PHKB: variants seen among roughly 807,000 people sequenced by gnomAD.
PHKB encodes the protein phosphorylase b kinase regulatory subunit beta.
PHKB carries 122 observed loss-of-function variants against 152.1 expected under a neutral mutation model. The ratio of observed to expected loss-of-function variants is 0.80; its 90% CI spans 0.69 to 0.93. The LOEUF is 0.93. Among genes scored for constraint, PHKB ranks in the 40% least tolerant of loss-of-function variants. The pLI, the probability that PHKB is intolerant of heterozygous loss-of-function variation, is 0.00. For synonymous variants in PHKB, 436 were observed against 464.9 expected, an observed-to-expected ratio of 0.94 and a Z score of 0.80; for missense variants, 1,304 against 1,328.4, an observed-to-expected ratio of 0.98 and a Z score of 0.29.
At chr16:47,526,302 G>A (rs772613269) in intron 6 of PHKB, among the ~76,000 whole-genome samples, 10 of 152,128 alleles carry the variant, frequency 6.6e-5, no homozygotes, top group Non-Finnish European at 1.3e-4. Context: ...CCAGCTGCTC[G>A]CGAGGCTGAG....
intron 6 of PHKB, among the ~76,000 whole-genome samples, chr16:47,516,744 T>C (rs1970604970): frequency 6.6e-6 from 1 of 152,196 alleles, no homozygotes; most frequent in Admixed American, 6.5e-5. Context: ...TCTCATACAA[T>C]AAATAAATTC....
chr16:47,681,323 C>G (rs1210710189), intron 26 of PHKB, among the ~76,000 whole-genome samples: 1 of 148,588 alleles, frequency 6.7e-6, no homozygotes, highest in African/African-American at 2.4e-5. Flanking sequence ...CCTGGGTATC[C>G]TTGTTAACTT....
chr16:47,500,709 A>G (rs1970310760), intron 3 of PHKB, among the ~76,000 whole-genome samples: 1 of 152,052 alleles, frequency 6.6e-6, no homozygotes, highest in Non-Finnish European at 1.5e-5. Flanking sequence ...TTAAAAAAAA[A>G]AAAGAAATAG....
In PHKB at chr16:47,552,957, GC is replaced by G. The variant is rs1971300564; in HGVS notation, c.710+5412del. Among the ~76,000 whole-genome samples, 8 of 152,250 alleles carry G rather than the reference GC, an allele frequency of 5.3e-5. 1 individual carries two copies. The highest frequency in any genetic ancestry group is 1.9e-4 in the African/African-American group (8 of 41,566). ...GGTAACCCAACCTTTCTCTCTGGCT[GC>G]CCTTAACATTTTTTCCTTCATTTCA... is the stretch of plus-strand genomic sequence containing the variant. On this transcript the variant is annotated intron_variant, in intron 7 of 30. Coordinates refer to ENST00000323584, the MANE Select transcript of PHKB (RefSeq NM_000293.3).
intron 1 of PHKB, among the ~76,000 whole-genome samples, chr16:47,488,553 T>A (rs1437644851): frequency 3.3e-5 from 5 of 152,256 alleles, no homozygotes; most frequent in African/African-American, 1.2e-4. Flanking sequence ...TCCTAGCTTT[T>A]CTTCTAGGGT....
intron 26 of PHKB, among the ~76,000 whole-genome samples, chr16:47,683,558 C>T (rs188011070): frequency 2.6e-3 from 399 of 152,300 alleles, no homozygotes; most frequent in Middle Eastern, 0.02. Flanking sequence ...TAGGACCCTC[C>T]GAGCCAGGTG....
intron 7 of PHKB, among the ~76,000 whole-genome samples, chr16:47,563,455 G>A (rs987521971): frequency 2.0e-5 from 3 of 151,872 alleles, no homozygotes; most frequent in Non-Finnish European, 4.4e-5. Flanking sequence ...GGATAACCAG[G>A]TATATTGTCA....
intron 1 of PHKB, among the ~76,000 whole-genome samples, chr16:47,467,673 C>A (rs1969691720): frequency 6.6e-6 from 1 of 152,138 alleles, no homozygotes; most frequent in African/African-American, 2.4e-5. Context: ...TGGCATGAAG[C>A]TTATTGACCC....
chr16:47,553,259 T>C (rs1971306176), intron 7 of PHKB, among the ~76,000 whole-genome samples: 1 of 152,076 alleles, frequency 6.6e-6, no homozygotes, highest in Non-Finnish European at 1.5e-5. Flanking sequence ...TCTAATCTTG[T>C]CTTCTCGCTT....
intron 6 of PHKB, among the ~76,000 whole-genome samples, chr16:47,542,431 C>A (rs545618072): frequency 6.6e-6 from 1 of 152,002 alleles, no homozygotes; most frequent in Non-Finnish European, 1.5e-5. Flanking sequence ...AGTCAGGTAG[C>A]GTGATGCCTC....
At chr16:47,571,039 G>A (rs1019810599) in intron 7 of PHKB, among the ~76,000 whole-genome samples, 1 of 151,990 alleles carries the variant, frequency 6.6e-6, no homozygotes, top group East Asian at 1.9e-4. Context: ...GCTTTCAGTG[G>A]CAAAGTCTCT....
intron 4 of PHKB, 105 bp from the exon 5 acceptor site, chr16:47,511,560 C>G (rs1970510067): frequency 1.2e-6 from 1 of 834,280 alleles, no homozygotes; most frequent in Non-Finnish European, 2.0e-6. Flanking sequence ...GGTCCTCTGC[C>G]TTAGCTTTGT....
At chr16:47,493,277 A>G (rs1043777947) in intron 1 of PHKB, among the ~76,000 whole-genome samples, 3 of 152,200 alleles carry the variant, frequency 2.0e-5, no homozygotes, top group Admixed American at 6.5e-5. Flanking sequence ...AAGAGGAACA[A>G]TTTCAGCAGC....
At chr16:47,481,927 A>T (rs1449485068) in intron 1 of PHKB, among the ~76,000 whole-genome samples, 2 of 152,126 alleles carry the variant, frequency 1.3e-5, no homozygotes, top group East Asian at 3.8e-4. Flanking sequence ...AGCTATGAAG[A>T]CCTTCTGTGA....
At chr16:47,512,426 T>C (rs1034696944) in intron 5 of PHKB, among the ~76,000 whole-genome samples, 1 of 152,178 alleles carries the variant, frequency 6.6e-6, no homozygotes, top group African/African-American at 2.4e-5. Context: ...TTACATGTTA[T>C]CAAATTTAGA....
Position 47,641,694 on chromosome 16 carries a change from T to TAA in PHKB, c.1608+3_1608+4dup. On this transcript the variant is annotated splice_region_variant and intron_variant, in intron 16 of 30. Coordinates refer to ENST00000323584, the MANE Select transcript of PHKB (RefSeq NM_000293.3). ...TGGCCTCAGCAGGAGCTTGTGAAAG[T>TAA]AAGTGATTCTGCCTTTTACTTTCCT... is the stretch of plus-strand genomic sequence containing the variant. 1 of 1,501,836 alleles carries TAA rather than the reference T, an allele frequency of 6.7e-7. No individual in the cohort carries two copies. Among genetic ancestry groups the TAA allele is most frequent in the Non-Finnish European group, 9.3e-7 (1 of 1,077,764 alleles). The allele number at this position is 1,501,836 out of a possible 1,614,324, so 93.0% of individuals were successfully genotyped here. A position where few individuals can be genotyped will look rare whatever the true frequency, so the allele number is the denominator to read the frequency against.
chr16:47,607,277 T>G (rs1210672632), intron 13 of PHKB, among the ~76,000 whole-genome samples: 1 of 152,188 alleles, frequency 6.6e-6, no homozygotes, highest in Non-Finnish European at 1.5e-5. Context: ...AATGTTTTCA[T>G]CATCTCCCTG....
intron 1 of PHKB, among the ~76,000 whole-genome samples, chr16:47,485,710 C>T (rs1970037612): frequency 6.6e-6 from 1 of 152,138 alleles, no homozygotes; most frequent in Non-Finnish European, 1.5e-5. Flanking sequence ...ACCTCTGCCT[C>T]CTGGGCTCAA....
At chr16:47,663,883 A>T (rs891137233) in intron 24 of PHKB, 149 bp downstream of exon 24, 1 of 675,134 alleles carries the variant, frequency 1.5e-6, no homozygotes, top group Non-Finnish European at 2.7e-6. Context: ...GAATGTGCCT[A>T]TGTAGCATGT....
Sources: gnomAD v4.1 joint callset for allele counts (sites outside exome capture counted in the v4.1 genomes callset) on GRCh38, gnomAD v4.1.1 for gene constraint, MANE v1.5 for transcripts, NCBI Gene and HGNC (gene_info 2026-07-23, HGNC 2026-07-21) for gene names.